SHTN1: variants seen among roughly 807,000 people sequenced by gnomAD.
SHTN1 encodes the protein shootin-1.
SHTN1 carries 42 observed loss-of-function variants against 83.1 expected under a neutral mutation model. That is an observed-to-expected ratio of 0.51 (90% confidence interval 0.39 to 0.65). The LOEUF (loss-of-function observed/expected upper bound fraction) is 0.65. Ranked by LOEUF, SHTN1 falls within the 30% of genes least tolerant of loss-of-function variation. The pLI, the probability that SHTN1 is intolerant of heterozygous loss-of-function variation, is 0.00. For synonymous variants in SHTN1, 224 were observed against 247.7 expected (o/e 0.90, Z 0.90); for missense variants, 622 against 737.8 (o/e 0.84, Z 1.82).
intron 1 of SHTN1, among the ~76,000 whole-genome samples, chr10:117,067,514 G>T (rs898487412): frequency 1.3e-5 from 2 of 152,144 alleles, no homozygotes; most frequent in African/African-American, 4.8e-5. Context: ...ATAATCGCTT[G>T]AACCTGGGAG....
At chr10:117,056,460 T>C (rs1321148357) in intron 1 of SHTN1, among the ~76,000 whole-genome samples, 1 of 152,160 alleles carries the variant, frequency 6.6e-6, no homozygotes, top group East Asian at 1.9e-4. Context: ...AGGAGAAAAT[T>C]CATGGGATTG....
rs916896557 is a variant in SHTN1, at chr10:117,071,742, G to A, written c.-188-23232C>T. Among the ~76,000 whole-genome samples the A allele has an allele frequency of 4.7e-4, 71 of 152,254 alleles. 1 individual carries two copies. Among genetic ancestry groups the A allele is most frequent in the Admixed American group, 4.6e-3 (71 of 15,290 alleles). ...GCCAGAAAACTGTTGGAGTTATCTTGAGACCTAGAATCCTGGCTGGGTGCG... is the reference window on the plus strand; with the variant it reads ...GCCAGAAAACTGTTGGAGTTATCTTAAGACCTAGAATCCTGGCTGGGTGCG... On this transcript the variant is annotated intron_variant, in intron 1 of 17. Transcript: ENST00000392901.
chr10:116,893,297 G>A (rs1303707561), intron 16 of SHTN1, among the ~76,000 whole-genome samples: 1 of 152,088 alleles, frequency 6.6e-6, no homozygotes, highest in East Asian at 1.9e-4. Context: ...TGCTAATTTT[G>A]TTGTTAAAAC....
intron 1 of SHTN1, among the ~76,000 whole-genome samples, chr10:117,003,344 T>G (rs991769441): frequency 4.0e-5 from 6 of 148,336 alleles, no homozygotes; most frequent in African/African-American, 1.5e-4. Context: ...CTGATGCTTG[T>G]GACTTTATGA....
chr10:117,019,859 A>G (rs965379875), intron 2 of SHTN1, among the ~76,000 whole-genome samples: 70 of 151,988 alleles, frequency 4.6e-4, no homozygotes, highest in African/African-American at 1.6e-3. Flanking sequence ...GAAAAGGAAA[A>G]CAAACATTGC....
chr10:117,048,079 T>G (rs1852692674), intron 2 of SHTN1, among the ~76,000 whole-genome samples: 1 of 152,074 alleles, frequency 6.6e-6, no homozygotes, highest in African/African-American at 2.4e-5. Flanking sequence ...AAGGGCATAG[T>G]CCGGTGAAAA....
chr10:117,106,891 C>T (rs1373484581), intron 1 of SHTN1, among the ~76,000 whole-genome samples: 1 of 152,132 alleles, frequency 6.6e-6, no homozygotes, highest in Non-Finnish European at 1.5e-5. Flanking sequence ...CTCTGTATCT[C>T]ATTTTCCTCA....
chr10:117,025,103 CAAA>C (rs1564934088), intron 2 of SHTN1, among the ~76,000 whole-genome samples: 1 of 152,066 alleles, frequency 6.6e-6, no homozygotes, highest in Non-Finnish European at 1.5e-5. Context: ...TCATAAGAAC[CAAA>C]AATCAGGTGA....
At chr10:116,898,154 C>T (rs1317310393) in intron 16 of SHTN1, among the ~76,000 whole-genome samples, 1 of 151,868 alleles carries the variant, frequency 6.6e-6, no homozygotes, top group South Asian at 2.1e-4. Flanking sequence ...ATAGTGAAAC[C>T]GCGTCTCTAC....
chr10:116,939,573 C>G (rs1055028821), intron 9 of SHTN1, among the ~76,000 whole-genome samples: 1 of 152,198 alleles, frequency 6.6e-6, no homozygotes, highest in African/African-American at 2.4e-5. Context: ...TGATCCCGCT[C>G]GGAGCTGCAG....
At position 117,123,378 on chromosome 10, in the gene SHTN1, C is replaced by G. The variant is rs184104567; in HGVS notation, c.-189+2929G>C. ...TCCAGAAGAGACAACTTTGAGACAA[C>G]TTTGAGAGCCATTTGATGCCACTTA... On this transcript the variant is annotated intron_variant, in intron 1 of 17. Coordinates refer to the SHTN1 transcript ENST00000392901. 3.9e-5 allele frequency among the ~76,000 whole-genome samples: 6 copies of G among 152,204 alleles called. No homozygotes were observed. In the East Asian group the frequency reaches 9.7e-4, roughly 25 times the overall value.
intron 9 of SHTN1, among the ~76,000 whole-genome samples, chr10:116,939,423 T>C (rs1039310025): frequency 6.6e-6 from 1 of 151,982 alleles, no homozygotes; most frequent in Non-Finnish European, 1.5e-5. Context: ...GGAGAGGGAG[T>C]TCTCCAATCC....
intron 1 of SHTN1, among the ~76,000 whole-genome samples, chr10:116,983,668 ATAGATAG>A (rs1851116014): frequency 1.4e-5 from 1 of 70,424 alleles, no homozygotes; most frequent in African/African-American, 3.5e-5. Flanking sequence ...AGATAGATAG[ATAGATAG>A]ATAGATAGAT....
At chr10:117,004,760 C>T (rs1851950332) in intron 1 of SHTN1, among the ~76,000 whole-genome samples, 1 of 152,222 alleles carries the variant, frequency 6.6e-6, no homozygotes, top group South Asian at 2.1e-4. Flanking sequence ...CCCCCGATCG[C>T]CAGCAAACGC....
chr10:117,015,317 GT>G (rs567955145), intron 2 of SHTN1, among the ~76,000 whole-genome samples: 117 of 152,020 alleles, frequency 7.7e-4, no homozygotes, highest in African/African-American at 2.5e-3. Flanking sequence ...GTTTGTTTTG[GT>G]TTTTTGTTTT....
chr10:116,961,270 C>G (rs1850175870), intron 3 of SHTN1, among the ~76,000 whole-genome samples: 1 of 152,110 alleles, frequency 6.6e-6, no homozygotes, highest in Non-Finnish European at 1.5e-5. Flanking sequence ...GAAAAAATTT[C>G]TCTCCAAATT....
chr10:116,983,684 ATAAATACATACATACATACATAC>A (rs1851123719), intron 1 of SHTN1, among the ~76,000 whole-genome samples: 4 of 83,344 alleles, frequency 4.8e-5, no homozygotes, highest in Admixed American at 1.5e-4. Flanking sequence ...AGATAGATAG[ATAAATACATACATACATACATAC>A]ATACATACAT....
intron 16 of SHTN1, 126 bp from the exon 17 acceptor site, chr10:116,886,692 AGTC>A: frequency 7.9e-7 from 1 of 1,267,576 alleles, no homozygotes; most frequent in Non-Finnish European, 1.1e-6. Context: ...TGCATATAGT[AGTC>A]TTTGAGATGC....
intron 1 of SHTN1, among the ~76,000 whole-genome samples, chr10:117,096,579 G>C (rs1214325388): frequency 6.6e-6 from 1 of 152,192 alleles, no homozygotes; most frequent in Admixed American, 6.5e-5. Flanking sequence ...GTATTTGTTA[G>C]ATACTTCTGA....
Sources: gnomAD v4.1 joint callset for allele counts (sites outside exome capture counted in the v4.1 genomes callset) on GRCh38, gnomAD v4.1.1 for gene constraint, MANE v1.5 for transcripts, NCBI Gene and HGNC (gene_info 2026-07-23, HGNC 2026-07-21) for gene names.